Variants in MRPL47 observed in about 807,000 individuals in gnomAD.
The protein encoded by MRPL47 is mitochondrial ribosomal protein L47.
In MRPL47, 31 loss-of-function variants were observed where a neutral mutation model predicts 34.0. The observed-to-expected ratio is 0.91, with a 90% CI of 0.68 to 1.23. The LOEUF is 1.23. MRPL47 is among the 50% of genes most tolerant of loss of function. The pLI is 0.00. For synonymous variants in MRPL47, 106 were observed against 101.6 expected (o/e 1.04, Z -0.26); for missense variants, 328 against 285.8 (o/e 1.15, Z -1.07).
At position 179,601,750 on chromosome 3, in the gene MRPL47, A is replaced by C. The variant is rs1718931418; in HGVS notation, c.285T>G (p.Asn95Lys). The C allele has an allele frequency of 6.2e-7, 1 of 1,607,582 alleles. No homozygotes were observed. Among genetic ancestry groups the C allele is most frequent in the Non-Finnish European group, 8.5e-7 (1 of 1,174,560 alleles). ...CTTACCAAAGTTTGTGTAAATCTTC[A>C]TTACTTTTGTTCCTTAGTTGCTGAC... ...WTCQQLRNKS[N>K]EDLHKLWYVL... Residue 95 changes from asparagine to lysine, a missense_variant, in exon 3 of 7, where the codon AAT becomes AAG. Asn to Lys is a moderately conservative substitution (Grantham distance 94). Coordinates refer to ENST00000476781, the MANE Select transcript of MRPL47 (RefSeq NM_020409.3).
At position 179,601,729 on chromosome 3, in the gene MRPL47, C is replaced by A. The variant is rs533660121; in HGVS notation, c.305+1G>T. The A allele has an allele frequency of 1.9e-6, 3 of 1,594,156 alleles. No individual in the cohort carries two copies. The highest frequency in any genetic ancestry group is 2.7e-5 in the African/African-American group (2 of 74,594). On this transcript the variant is annotated splice_donor_variant, in intron 3 of 6. Transcript: ENST00000476781. LOFTEE classifies it high-confidence loss of function. ...GATGTTAATGTACTTAGTATACTTA[C>A]CAAAGTTTGTGTAAATCTTCATTAC...
chr3:179,594,037 T>G, intron 4 of MRPL47, 142 bp from the exon 5 acceptor site: 1 of 734,692 alleles, frequency 1.4e-6, no homozygotes, highest in South Asian at 1.9e-5. Flanking sequence ...TTCCTAAAAA[T>G]CTTTTTGGCA....
At position 179,588,697 on chromosome 3, in the gene MRPL47, C is replaced by G; in HGVS notation, c.*175G>C. The stretch of plus-strand genomic sequence containing the variant: ...GAACTTTATACCTGATTTTTAGAAG[C>G]AAATTAGCTTCTACCAAATTAGCTA... On this transcript the variant is annotated 3_prime_UTR_variant, in exon 7 of 7. Coordinates refer to ENST00000476781, the MANE Select transcript of MRPL47 (RefSeq NM_020409.3). 2 of 505,722 alleles carry G rather than the reference C, an allele frequency of 4.0e-6. No homozygotes were observed. The highest frequency in any genetic ancestry group is 7.6e-5 in the South Asian group (2 of 26,364). 31.3% of individuals were successfully genotyped at this position (505,722 alleles called of 1,614,324 possible).
intron 4 of MRPL47, among the ~76,000 whole-genome samples, chr3:179,596,725 C>T (rs1272232942): frequency 2.0e-5 from 3 of 152,140 alleles, no homozygotes; most frequent in Admixed American, 1.3e-4. Flanking sequence ...AATCGTGGCT[C>T]ACTGCAGCCT....
chr3:179,604,545 T>C lies in MRPL47; in HGVS notation c.80A>G (p.Gln27Arg). 1 of 1,614,196 alleles carries C rather than the reference T, an allele frequency of 6.2e-7. No homozygotes were observed. The highest frequency in any genetic ancestry group is 8.5e-7 in the Non-Finnish European group (1 of 1,180,022). ...CACTTACCCTGTGCAGGCAGGGACCTGAGGAGTTATTAACGATCGGGAAGA... is the reference window on the plus strand; with the variant it reads ...CACTTACCCTGTGCAGGCAGGGACCCGAGGAGTTATTAACGATCGGGAAGA... ...LKSSRSLITP[Q>R]VPACTGFFLS... The change falls in exon 1 of 7, where the codon CAG becomes CGG. Residue 27 changes from glutamine (Q) to arginine (R), a missense_variant. Coordinates refer to ENST00000476781, the MANE Select transcript of MRPL47 (RefSeq NM_020409.3).
intron 1 of MRPL47, among the ~76,000 whole-genome samples, chr3:179,603,346 T>C (rs948566318): frequency 1.3e-5 from 2 of 152,016 alleles, no homozygotes; most frequent in Non-Finnish European, 2.9e-5. Flanking sequence ...AAGACCAGCC[T>C]GGGCAAGATG....
chr3:179,603,520 C>CA (rs1560021338), intron 1 of MRPL47, among the ~76,000 whole-genome samples: 2 of 152,192 alleles, frequency 1.3e-5, no homozygotes, highest in East Asian at 3.8e-4. Flanking sequence ...GCCTGGGCGA[C>CA]AGAGTCAGTC....
intron 6 of MRPL47, among the ~76,000 whole-genome samples, chr3:179,589,455 A>G (rs561118413): frequency 1.3e-5 from 2 of 152,352 alleles, no homozygotes; most frequent in East Asian, 3.9e-4. Context: ...TTGTTCCCAC[A>G]CATCAGTATC....
At position 179,592,706 on chromosome 3, in the gene MRPL47, GT is replaced by G. The variant is rs767908529; in HGVS notation, c.566del (p.His189ProfsTer2). The G allele has an allele frequency of 8.7e-6, 14 of 1,613,856 alleles. No individual in the cohort carries two copies. The South Asian group carries it at 1.5e-4, about 18-fold the overall frequency. On this transcript the variant is annotated frameshift_variant, in exon 6 of 7. Coordinates refer to ENST00000476781, the MANE Select transcript of MRPL47 (RefSeq NM_020409.3). LOFTEE classifies it high-confidence loss of function. ...GTTTCCTATTGTATCTTTTATTTAG[GT>G]GCCAAGGTATAACCCACTGCTTGAA... ...HKFKQWVIPWHLNKRYNRKRF... is the reference protein window; with the variant it reads ...HKFKQWVIPWXLNKRYNRKRF...
In MRPL47 at chr3:179,592,653, T is replaced by G; in HGVS notation, c.620A>C (p.His207Pro). 1 of 1,606,686 alleles carries G rather than the reference T, an allele frequency of 6.2e-7. No individual in the cohort carries two copies. Among genetic ancestry groups the G allele is most frequent in the Non-Finnish European group, 8.5e-7 (1 of 1,173,360 alleles). ...KRFFALPYVD[H>P]FLRLEREKRA... ...AGGTGCTTGTGCTCACCTGAGAAAA[T>G]GGTCCACATAAGGCAAGGCAAAGAA... The change falls in exon 6 of 7, where the codon CAT becomes CCT. Residue 207 changes from histidine to proline, a missense_variant. His to Pro is a moderately conservative substitution (Grantham distance 77, BLOSUM62 -2). Transcript: ENST00000476781.
At chr3:179,593,069 T>C (rs1478353730) in intron 5 of MRPL47, among the ~76,000 whole-genome samples, 1 of 152,160 alleles carries the variant, frequency 6.6e-6, no homozygotes, top group Non-Finnish European at 1.5e-5. Context: ...TAAACCTCTT[T>C]CTGAGGGGAG....
chr3:179,588,915 T>A lies in MRPL47; in HGVS notation c.710A>T (p.Lys237Met), dbSNP rs1441593900. Residue 237 changes from lysine to methionine, a missense_variant, in exon 7 of 7, where the codon AAG becomes ATG. By Grantham distance (95) the Lys-to-Met change is moderately conservative (BLOSUM62 -1). Coordinates refer to ENST00000476781, the MANE Select transcript of MRPL47 (RefSeq NM_020409.3). ...TTGGGCTTCAGCAAGATGTGGAAAC[T>A]TTTTTAAAAGAATTTTTGCTTTCTT... ...ERKKAKILLK[K>M]FPHLAEAQKS... is the part of the protein sequence containing the mutation. 6.2e-7 allele frequency: 1 copy of A among 1,613,710 alleles called. No homozygotes were observed. Among genetic ancestry groups the A allele is most frequent in the African/African-American group, 1.3e-5 (1 of 75,030 alleles).
Position 179,602,735 on chromosome 3 carries a change from A to G in MRPL47, c.161T>C (p.Leu54Ser), listed in dbSNP as rs766889274. 10 of 1,612,286 alleles carry G rather than the reference A, an allele frequency of 6.2e-6. No individual in the cohort carries two copies. In the Admixed American group the frequency reaches 1.7e-4, roughly 27 times the overall value. Residue 54 changes from leucine (L) to serine (S), a missense_variant, in exon 2 of 7, where the codon TTA becomes TCA. Transcript: ENST00000476781. The stretch of plus-strand genomic sequence containing the variant: ...TTTCCTTGACAATGTGGTATGAAGT[A>G]ATCTATATTGGTGAAAGGATGTCAC... Reference protein sequence around the residue: ...PNVTSFHQYRLLHTTLSRKGL... With the variant: ...PNVTSFHQYRSLHTTLSRKGL...
Position 179,588,805 on chromosome 3 carries a change from A to C in MRPL47, c.*67T>G, listed in dbSNP as rs997021257. ...ACAGAATTTCTTTATAAACCACTTA[A>C]CATATTTACTCCTGTACACAGACTA... On this transcript the variant is annotated 3_prime_UTR_variant, in exon 7 of 7. Coordinates refer to ENST00000476781, the MANE Select transcript of MRPL47 (RefSeq NM_020409.3). The C allele has an allele frequency of 2.8e-6, 4 of 1,433,204 alleles. No individual in the cohort carries two copies. Among genetic ancestry groups the C allele is most frequent in the Non-Finnish European group, 2.8e-6 (3 of 1,057,404 alleles). The allele number at this position is 1,433,204 out of a possible 1,614,324, so 88.8% of individuals were successfully genotyped here.
chr3:179,602,444 A>T (rs1718947011), intron 2 of MRPL47, among the ~76,000 whole-genome samples: 1 of 152,026 alleles, frequency 6.6e-6, no homozygotes, highest in Non-Finnish European at 1.5e-5. Flanking sequence ...TCCTTATCTA[A>T]CCATCTTGCC....
chr3:179,601,795 T>G lies in MRPL47; in HGVS notation c.245-5A>C, dbSNP rs759506140. On this transcript the variant is annotated splice_polypyrimidine_tract_variant and splice_region_variant and intron_variant, in intron 2 of 6. Coordinates refer to ENST00000476781, the MANE Select transcript of MRPL47 (RefSeq NM_020409.3). The stretch of plus-strand genomic sequence containing the variant: ...GCTGACAGGTCCATGCTGCTCCTAT[T>G]AAAATAATACATAACATGAAATAAC... 20 of 1,597,774 alleles carry G rather than the reference T, an allele frequency of 1.3e-5. No homozygotes were observed. Among genetic ancestry groups the G allele is most frequent in the Non-Finnish European group, 1.7e-5 (20 of 1,167,506 alleles).
At chr3:179,601,329 C>A (rs999232978) in intron 3 of MRPL47, among the ~76,000 whole-genome samples, 5 of 152,100 alleles carry the variant, frequency 3.3e-5, no homozygotes, top group Non-Finnish European at 7.4e-5. Context: ...ATCACTTGAG[C>A]CCAGGAGGTC....
At chr3:179,591,695 T>A (rs1718676154) in intron 6 of MRPL47, among the ~76,000 whole-genome samples, 1 of 152,252 alleles carries the variant, frequency 6.6e-6, no homozygotes, top group Non-Finnish European at 1.5e-5. Flanking sequence ...TGAACTCACA[T>A]TGTATGCAAC....
Position 179,588,838 on chromosome 3 carries a change from AAAAC to A in MRPL47, c.*30_*33del. 1 of 1,601,500 alleles carries A rather than the reference AAAAC, an allele frequency of 6.2e-7. No homozygotes were observed. Among genetic ancestry groups the A allele is most frequent in the Non-Finnish European group, 8.5e-7 (1 of 1,174,564 alleles). On this transcript the variant is annotated 3_prime_UTR_variant, in exon 7 of 7. Coordinates refer to ENST00000476781, the MANE Select transcript of MRPL47 (RefSeq NM_020409.3). ...ACTCCTGTACACAGACTATTCAAGA[AAAAC>A]AAAATGGTAAATTTAATAGTTCAGA...
Sources: gnomAD v4.1 joint callset for allele counts (sites outside exome capture counted in the v4.1 genomes callset) on GRCh38, gnomAD v4.1.1 for gene constraint, MANE v1.5 for transcripts, NCBI Gene and HGNC (gene_info 2026-07-23, HGNC 2026-07-21) for gene names.